DPY30: variants seen among roughly 807,000 people sequenced by gnomAD.
DPY30 encodes dpy-30 histone methyltransferase complex regulatory subunit.
Under a neutral mutation model 16.2 loss-of-function variants are expected in DPY30, and 6 were observed. The ratio of observed to expected loss-of-function variants is 0.37; its 90% CI spans 0.20 to 0.73. The LOEUF (loss-of-function observed/expected upper bound fraction) is 0.73. Ranked by LOEUF, DPY30 falls within the 30% of genes least tolerant of loss-of-function variation. The probability of loss-of-function intolerance (pLI) is 0.51; values close to 1 mark genes in which losing one functional copy is unlikely to be tolerated. For missense variants in DPY30, 73 were observed against 113.1 expected, an observed-to-expected ratio of 0.65 and a Z score of 1.61; for synonymous variants, 39 against 38.8, an observed-to-expected ratio of 1.00 and a Z score of -0.02.
chr2:32,037,330 G>C (rs1271567091), intron 3 of DPY30, among the ~76,000 whole-genome samples: 2 of 151,932 alleles, frequency 1.3e-5, no homozygotes, highest in African/African-American at 4.8e-5. Context: ...TTTGAGACAA[G>C]GTCTCCCTGT....
rs577617540 is a variant in DPY30 at position 32,026,146 on chromosome 2, C to T, written c.228-1890G>A. Among the ~76,000 whole-genome samples, 8 of 152,158 alleles carry T rather than the reference C, an allele frequency of 5.3e-5. No individual in the cohort carries two copies. The South Asian group carries it at 1.0e-3, about 20-fold the overall frequency. On this transcript the variant is annotated intron_variant, in intron 4 of 4. Coordinates refer to ENST00000342166, the MANE Select transcript of DPY30 (RefSeq NM_001321209.2). ...TGTGTTTTAACAAAAAATATATTTA[C>T]TGGCCAGTTGCAGTGGCTCATGCCT...
intron 3 of DPY30, among the ~76,000 whole-genome samples, chr2:32,037,356 G>A (rs966497333): frequency 6.6e-6 from 1 of 152,076 alleles, no homozygotes; most frequent in African/African-American, 2.4e-5. Context: ...TCAGGATGGT[G>A]TGCAGTGGTG....
chr2:32,024,139 G>A lies in DPY30; in HGVS notation c.*45C>T. The A allele has an allele frequency of 1.9e-6, 3 of 1,592,808 alleles. No homozygotes were observed. The highest frequency in any genetic ancestry group is 2.6e-6 in the Non-Finnish European group (3 of 1,168,898). ...GCAATTAAAGCTGCCTCTTAATCAT[G>A]TAAATCTACAGTAGCAACTAAATTT... On this transcript the variant is annotated 3_prime_UTR_variant, in exon 5 of 5. Coordinates refer to ENST00000342166, the MANE Select transcript of DPY30 (RefSeq NM_001321209.2).
chr2:32,019,487 G>T (rs1675129804), downstream of DPY30, among the ~76,000 whole-genome samples: 2 of 152,146 alleles, frequency 1.3e-5, no homozygotes, highest in Non-Finnish European at 2.9e-5. Flanking sequence ...CTCCAGCCTG[G>T]AAAACACAGC....
intron 4 of DPY30, among the ~76,000 whole-genome samples, chr2:32,027,394 C>T (rs953662400): frequency 6.6e-6 from 1 of 151,378 alleles, no homozygotes; most frequent in African/African-American, 2.4e-5. Context: ...GCTTTGTGTG[C>T]TGACAGGCAC....
chr2:32,023,548 A>C (rs1572991389), downstream of DPY30: 1 of 506,790 alleles, frequency 2.0e-6, no homozygotes, highest in East Asian at 6.9e-5. Context: ...AAAATGTACT[A>C]TGCCTGAAAC....
intron 3 of DPY30, among the ~76,000 whole-genome samples, chr2:32,035,298 A>G (rs928939602): frequency 6.6e-6 from 1 of 151,988 alleles, no homozygotes; most frequent in African/African-American, 2.4e-5. Flanking sequence ...CAAAAATTAA[A>G]TAAATAAATA....
chr2:32,034,577 C>A (rs963107670), intron 3 of DPY30, among the ~76,000 whole-genome samples: 7 of 152,200 alleles, frequency 4.6e-5, no homozygotes, highest in Non-Finnish European at 1.0e-4. Flanking sequence ...ACCTCCAACA[C>A]TGGGGGTCAC....
intron 5 of DPY30, among the ~76,000 whole-genome samples, chr2:32,017,985 T>C (rs903961518): frequency 5.9e-5 from 9 of 152,172 alleles, no homozygotes; most frequent in African/African-American, 2.2e-4. Flanking sequence ...AAGACAAAGC[T>C]AGGAGGTGCC....
At chr2:32,039,530 T>C in intron 1 of DPY30, 38 bp from the exon 2 acceptor site, 1 of 1,604,248 alleles carries the variant, frequency 6.2e-7, no homozygotes, top group Non-Finnish European at 8.5e-7. Context: ...ACCTGGGAGA[T>C]TTCAACACGA....
At chr2:32,039,193 C>T (rs1360513954) in intron 3 of DPY30, 86 bp downstream of exon 3, 2 of 1,544,562 alleles carry the variant, frequency 1.3e-6, no homozygotes, top group African/African-American at 2.7e-5. Context: ...TTCCCTTGTG[C>T]ATAGCCACCT....
At chr2:32,020,968 T>TAAA (rs373768556), downstream of DPY30, 2 of 139,224 alleles carry the variant, frequency 1.4e-5, no homozygotes, top group South Asian at 2.3e-4. Flanking sequence ...CCTCACCTCT[T>TAAA]AAAAAAAAAA....
intron 3 of DPY30, among the ~76,000 whole-genome samples, chr2:32,034,256 T>C (rs1214269457): frequency 6.6e-6 from 1 of 152,130 alleles, no homozygotes; most frequent in Non-Finnish European, 1.5e-5. Flanking sequence ...AAGAAATACC[T>C]GAGGGTGGGT....
downstream of DPY30, among the ~76,000 whole-genome samples, chr2:32,022,124 C>G (rs950324915): frequency 6.6e-6 from 1 of 151,662 alleles, no homozygotes; most frequent in Non-Finnish European, 1.5e-5. Flanking sequence ...ACAGGAGAAT[C>G]ACTTGAGCCT....
Position 32,017,163 on chromosome 2 carries a change from G to A in DPY30, n.378-5111C>T, listed in dbSNP as rs192951113. 9.7e-3 allele frequency among the ~76,000 whole-genome samples: 1,477 copies of A among 152,170 alleles called. 26 individuals are homozygous for A. The highest frequency in any genetic ancestry group is 0.047 in the South Asian group (228 of 4,814). On this transcript the variant is annotated intron_variant and non_coding_transcript_variant, in intron 5 of 5. Coordinates refer to the DPY30 transcript ENST00000414013. The stretch of plus-strand genomic sequence containing the variant: ...TTCCCAAAGTGCTGGGATTACAGGC[G>A]TGAGCCACGGCGCCCGGCCATATAG...
At chr2:32,030,503 G>T (rs887332534) in intron 3 of DPY30, among the ~76,000 whole-genome samples, 1 of 151,840 alleles carries the variant, frequency 6.6e-6, no homozygotes, top group Admixed American at 6.6e-5. Context: ...GGTGGCAGGC[G>T]CCTGTAGTCC....
At chr2:32,039,051 T>C (rs1182459466) in intron 3 of DPY30, among the ~76,000 whole-genome samples, 3 of 152,136 alleles carry the variant, frequency 2.0e-5, no homozygotes, top group Non-Finnish European at 2.9e-5. Flanking sequence ...CTCAAGAATA[T>C]GTGTTTCGCA....
chr2:32,031,898 A>G (rs1225343214), intron 3 of DPY30, among the ~76,000 whole-genome samples: 1 of 151,186 alleles, frequency 6.6e-6, no homozygotes, highest in South Asian at 2.1e-4. Context: ...GTCTCAAAAA[A>G]ATAAAAAATA....
At chr2:32,023,316 G>A (rs1386224964), downstream of DPY30, 1 of 405,200 alleles carries the variant, frequency 2.5e-6, no homozygotes, top group Non-Finnish European at 5.0e-6. Flanking sequence ...AGGGGACAAT[G>A]AGAATAGACC....
Sources: gnomAD v4.1 joint callset for allele counts (sites outside exome capture counted in the v4.1 genomes callset) on GRCh38, gnomAD v4.1.1 for gene constraint, MANE v1.5 for transcripts, NCBI Gene and HGNC (gene_info 2026-07-23, HGNC 2026-07-21) for gene names.